The following PON3 variants were observed in gnomAD, a reference collection of about 807,000 sequenced individuals.
PON3 encodes serum paraoxonase/lactonase 3.
PON3 carries 37 observed loss-of-function variants against 36.3 expected under a neutral mutation model. That is an observed-to-expected ratio of 1.02 (90% CI 0.78 to 1.34). The LOEUF (loss-of-function observed/expected upper bound fraction) is 1.34, where lower values mean the gene tolerates loss of function less well. Among genes scored for constraint, PON3 ranks in the 40% most tolerant of loss-of-function variants. PON3 has a pLI of 0.00. For missense variants in PON3, 415 were observed against 426.5 expected, an observed-to-expected ratio of 0.97 and a Z score of 0.24; for synonymous variants, 155 against 154.8, an observed-to-expected ratio of 1.00 and a Z score of -0.01.
At position 95,373,726 on chromosome 7, in the gene PON3, G is replaced by A. The variant is rs560965135; in HGVS notation, c.202-1388C>T. 3.5e-4 allele frequency among the ~76,000 whole-genome samples: 53 copies of A among 152,278 alleles called. No individual in the cohort carries two copies. In the South Asian group the frequency reaches 0.011, roughly 31 times the overall value. ...TATCCCAACTTCAGCCAGACATTTA[G>A]TACTGTTTATTGATTTTTTTGGCTC... On this transcript the variant is annotated intron_variant, in intron 3 of 8. Coordinates refer to ENST00000265627, the MANE Select transcript of PON3 (RefSeq NM_000940.3).
At position 95,377,569 on chromosome 7, in the gene PON3, C is replaced by A. The variant is rs1218809162; in HGVS notation, c.202-5231G>T. ...GGATGCCCCTCTGGGATGAAGCTTC[C>A]AGAAGAAAAATCAGGCAGCAATATT... On this transcript the variant is annotated intron_variant, in intron 3 of 8. Transcript: ENST00000265627. 1.4e-5 allele frequency: 6 copies of A among 427,702 alleles called. No homozygotes were observed. The Admixed American group carries it at 1.5e-4, about 11-fold the overall frequency. 26.5% of individuals were successfully genotyped at this position (427,702 alleles called of 1,614,324 possible).
intron 5 of PON3, among the ~76,000 whole-genome samples, chr7:95,366,488 AAAG>A (rs759387964): frequency 4.6e-5 from 7 of 152,204 alleles, no homozygotes; most frequent in Non-Finnish European, 7.3e-5. Context: ...AGAGCAAAGG[AAAG>A]AAGATGAACT....
chr7:95,380,854 C>A (rs1380226075), intron 3 of PON3, among the ~76,000 whole-genome samples: 4 of 152,078 alleles, frequency 2.6e-5, no homozygotes, highest in Non-Finnish European at 5.9e-5. Context: ...ACAGAGAATG[C>A]CACAAAGATA....
Position 95,367,433 on chromosome 7 carries a change from C to G in PON3, c.423G>C (p.Glu141Asp). ...GTTGTTGTTCCTCAAATTTAAATAT[C>G]TCCACAGTGGACTTCATGTGGGGAT... ...VNHPHMKSTV[E>D]IFKFEEQQRS... The change falls in exon 5 of 9, where the codon GAG (glutamate) becomes GAC (aspartate). Residue 141 changes from glutamate (E) to aspartate (D), a missense_variant. Transcript: ENST00000265627. 1 of 1,612,892 alleles carries G rather than the reference C, an allele frequency of 6.2e-7. No homozygotes were observed. The highest frequency in any genetic ancestry group is 1.3e-5 in the African/African-American group (1 of 74,978).
In PON3 at chr7:95,362,377, G is replaced by A; in HGVS notation, c.891C>T (p.Asp297=). The change falls in exon 8 of 9, where the codon GAC becomes GAT. Residue 297 remains aspartate (D), a synonymous_variant. Transcript: ENST00000265627. ...PMKLLNYNPE[D]PPGSEVLRIQ... Reference sequence around the variant, plus strand: ...AGGAACTTACTTCTGATCCTGGAGGGTCCTCAGGGTTATAGTTCAGTAGCT... The same window carrying A: ...AGGAACTTACTTCTGATCCTGGAGGATCCTCAGGGTTATAGTTCAGTAGCT... 1 of 1,613,706 alleles carries A rather than the reference G, an allele frequency of 6.2e-7. No individual in the cohort carries two copies. The highest frequency in any genetic ancestry group is 8.5e-7 in the Non-Finnish European group (1 of 1,179,726).
At chr7:95,386,551 G>A (rs1227131409) in intron 3 of PON3, among the ~76,000 whole-genome samples, 1 of 152,156 alleles carries the variant, frequency 6.6e-6, no homozygotes, top group East Asian at 1.9e-4. Flanking sequence ...TCTACCAGAG[G>A]TACAAAGAGG....
chr7:95,381,269 C>T (rs577893594), intron 3 of PON3, among the ~76,000 whole-genome samples: 4 of 152,260 alleles, frequency 2.6e-5, no homozygotes, highest in East Asian at 3.9e-4. Context: ...TAAAGACCAT[C>T]GAGGCTAGGA....
intron 3 of PON3, among the ~76,000 whole-genome samples, chr7:95,373,518 T>A (rs942120050): frequency 2.0e-5 from 3 of 152,148 alleles, no homozygotes; most frequent in African/African-American, 7.2e-5. Flanking sequence ...AGTCAGCACA[T>A]CTGGAGAAGG....
intron 1 of PON3, chr7:95,396,048 C>A (rs898179420): frequency 1.0e-5 from 6 of 587,588 alleles, no homozygotes; most frequent in South Asian, 3.9e-5. Context: ...GGGATCATAA[C>A]CTTCAAAAAA....
Position 95,370,458 on chromosome 7 carries a change from C to T in PON3, c.367+1715G>A, listed in dbSNP as rs12112856. On this transcript the variant is annotated intron_variant, in intron 4 of 8. Transcript: ENST00000265627. Reference sequence around the variant, plus strand: ...CAAGGTTGGGCCCAGGATTTTATTTCGAGAAGTAAAGACACCATTATATAT... The same window carrying T: ...CAAGGTTGGGCCCAGGATTTTATTTTGAGAAGTAAAGACACCATTATATAT... Among the ~76,000 whole-genome samples the T allele has an allele frequency of 4.2e-3, 632 of 152,138 alleles. 7 individuals carry two copies. The highest frequency in any genetic ancestry group is 0.014 in the African/African-American group (589 of 41,502).
At chr7:95,361,449 T>C (rs1019933896) in intron 8 of PON3, among the ~76,000 whole-genome samples, 1 of 152,184 alleles carries the variant, frequency 6.6e-6, no homozygotes, top group Non-Finnish European at 1.5e-5. Context: ...TGAGGCCTAC[T>C]CTGATCTCTG....
rs1808628083 is a variant in PON3 at position 95,363,741 on chromosome 7, A to G, written c.695+122T>C. ...AGATTTAGTGTGAACCCTGGCCACA[A>G]CTGATCCCTCCACACATATATTCAC... On this transcript the variant is annotated intron_variant, in intron 6 of 8. Transcript: ENST00000265627. The G allele has an allele frequency of 9.1e-6, 9 of 985,394 alleles. No homozygotes were observed. The East Asian group carries it at 1.4e-4, about 16-fold the overall frequency. 61.0% of individuals were successfully genotyped at this position (985,394 alleles called of 1,614,324 possible).
chr7:95,391,668 T>G (rs1809322850), intron 2 of PON3, among the ~76,000 whole-genome samples: 1 of 152,236 alleles, frequency 6.6e-6, no homozygotes, highest in Non-Finnish European at 1.5e-5. Context: ...CAGCCTACTA[T>G]ACCCTACCTA....
At chr7:95,387,667 T>C (rs1247842903) in intron 3 of PON3, among the ~76,000 whole-genome samples, 1 of 152,190 alleles carries the variant, frequency 6.6e-6, no homozygotes, top group African/African-American at 2.4e-5. Flanking sequence ...AGGGCCCGCA[T>C]AGCCAAGACA....
chr7:95,363,501 T>C (rs917692666), intron 6 of PON3: 2 of 298,320 alleles, frequency 6.7e-6, no homozygotes, highest in Non-Finnish European at 1.3e-5. Context: ...AGAGCTTTTG[T>C]GTAACTGAAC....
intron 2 of PON3, among the ~76,000 whole-genome samples, chr7:95,392,553 T>C (rs1398310070): frequency 6.6e-6 from 1 of 152,238 alleles, no homozygotes; most frequent in Non-Finnish European, 1.5e-5. Context: ...TCACATTTCC[T>C]TATTTTTAAA....
At chr7:95,387,025 T>C (rs1342737238) in intron 3 of PON3, among the ~76,000 whole-genome samples, 1 of 152,114 alleles carries the variant, frequency 6.6e-6, no homozygotes, top group African/African-American at 2.4e-5. Flanking sequence ...CCACAGCCAA[T>C]ATCATACTGA....
At chr7:95,387,132 C>G (rs1001056749) in intron 3 of PON3, among the ~76,000 whole-genome samples, 3 of 152,106 alleles carry the variant, frequency 2.0e-5, no homozygotes, top group African/African-American at 7.2e-5. Flanking sequence ...GAAATTCTGG[C>G]CAGGGCAATT....
In PON3 at chr7:95,363,886, C is replaced by T; in HGVS notation, c.672G>A (p.Gly224=). 1 of 1,613,618 alleles carries T rather than the reference C, an allele frequency of 6.2e-7. No individual in the cohort carries two copies. The highest frequency in any genetic ancestry group is 8.5e-7 in the Non-Finnish European group (1 of 1,179,580). The change falls in exon 6 of 9, where the codon GGG becomes GGA. Residue 224 remains glycine (G), a synonymous_variant. Transcript: ENST00000265627. ...ACTTCTGGTCTGCTGAGACTGTGAT[C>T]CCATTGGCACTACAAAATCCTTTGG... The part of the protein sequence containing the change: ...VVAKGFCSAN[G]ITVSADQKYV...
Sources: gnomAD v4.1 joint callset for allele counts (sites outside exome capture counted in the v4.1 genomes callset) on GRCh38, gnomAD v4.1.1 for gene constraint, MANE v1.5 for transcripts, NCBI Gene and HGNC (gene_info 2026-07-23, HGNC 2026-07-21) for gene names.